R3HDM1: variants seen among roughly 807,000 people sequenced by gnomAD.
R3HDM1 encodes R3H domain-containing protein 1.
Under a neutral mutation model 141.1 loss-of-function variants are expected in R3HDM1, and 46 were observed. The observed-to-expected ratio is 0.33, with a 90% CI of 0.26 to 0.42. The LOEUF (loss-of-function observed/expected upper bound fraction) is 0.42, where lower values mean the gene tolerates loss of function less well. Ranked by LOEUF, R3HDM1 falls within the 10% of genes least tolerant of loss-of-function variation. R3HDM1 has a pLI of 1.00. For synonymous variants in R3HDM1, 435 were observed against 472.9 expected (o/e 0.92, Z 1.04); for missense variants, 1,184 against 1,368.3 (o/e 0.87, Z 2.12).
chr2:135,550,306 T>C lies in R3HDM1; in HGVS notation c.-250+18673T>C, dbSNP rs1468440441. 12 of 879,894 alleles carry C rather than the reference T, an allele frequency of 1.4e-5. No homozygotes were observed. The South Asian group carries it at 2.6e-4, about 19-fold the overall frequency. The allele number at this position is 879,894 out of a possible 1,614,324, so 54.5% of individuals were successfully genotyped here. ...TTTGTGATATATGGAAATTTCTTTA[T>C]GCCTTTTCTTAGGCAAGCAGCTTTC... is the stretch of plus-strand genomic sequence containing the variant. On this transcript the variant is annotated intron_variant, in intron 1 of 26. Transcript: ENST00000683871.
rs376156895 is a variant in R3HDM1 at position 135,723,349 on chromosome 2, C to T, written c.3050-588C>T. Among the ~76,000 whole-genome samples, 14 of 151,874 alleles carry T rather than the reference C, an allele frequency of 9.2e-5. No individual in the cohort carries two copies. The East Asian group carries it at 2.2e-3, about 23-fold the overall frequency. ...TGTTGGTCAGGCTGGTCTCGAACTCCAGACCTCAGGTGATCCACCCACCTC... is the reference window on the plus strand; with the variant it reads ...TGTTGGTCAGGCTGGTCTCGAACTCTAGACCTCAGGTGATCCACCCACCTC... On this transcript the variant is annotated intron_variant, in intron 26 of 26. Transcript: ENST00000683871.
chr2:135,723,795 A>C (rs2076940213), intron 26 of R3HDM1, 142 bp from the exon 27 acceptor site: 1 of 595,690 alleles, frequency 1.7e-6, no homozygotes. Flanking sequence ...AAAAAAAAAA[A>C]AAAAAAAAAA....
intron 1 of R3HDM1, chr2:135,583,988 T>C: frequency 1.0e-6 from 1 of 985,400 alleles, no homozygotes; most frequent in Non-Finnish European, 1.2e-6. Context: ...CATTCCAAAA[T>C]GGATAGCACA....
chr2:135,722,777 G>T (rs1292866802), intron 26 of R3HDM1, among the ~76,000 whole-genome samples: 1 of 152,116 alleles, frequency 6.6e-6, no homozygotes, highest in East Asian at 1.9e-4. Flanking sequence ...GGGACAGAGG[G>T]GCCACAGGGA....
intron 19 of R3HDM1, among the ~76,000 whole-genome samples, chr2:135,663,149 AAAAAAAT>A (rs1180415851): frequency 1.8e-4 from 27 of 151,216 alleles, no homozygotes; most frequent in African/African-American, 4.4e-4. Context: ...AAAAAAAAAA[AAAAAAAT>A]ATGACACTTA....
At chr2:135,625,377 A>C (rs917850419) in intron 7 of R3HDM1, among the ~76,000 whole-genome samples, 7 of 152,062 alleles carry the variant, frequency 4.6e-5, no homozygotes, top group African/African-American at 1.4e-4. Context: ...TCTGGAAGGC[A>C]GAGGTTGCAG....
At position 135,566,769 on chromosome 2, in the gene R3HDM1, C is replaced by T. The variant is rs1039640978; in HGVS notation, c.-250+35136C>T. The T allele has an allele frequency of 2.3e-5, 23 of 985,004 alleles. No individual in the cohort carries two copies. The South Asian group carries it at 7.1e-4, about 30-fold the overall frequency. The allele number at this position is 985,004 out of a possible 1,614,324, so 61.0% of individuals were successfully genotyped here. ...AATGATCAAAACTGTAAGCCCAGCG[C>T]GGTGGCTCACGCCTGTAATCATGGT... On this transcript the variant is annotated intron_variant, in intron 1 of 26. Coordinates refer to ENST00000683871, the MANE Select transcript of R3HDM1 (RefSeq NM_001378107.1).
chr2:135,654,027 T>G (rs2065467648), intron 18 of R3HDM1, among the ~76,000 whole-genome samples: 1 of 152,166 alleles, frequency 6.6e-6, no homozygotes, highest in African/African-American at 2.4e-5. Flanking sequence ...TTGCATTTAG[T>G]ACATATTCAC....
intron 23 of R3HDM1, among the ~76,000 whole-genome samples, chr2:135,714,724 C>A: frequency 6.7e-6 from 1 of 149,960 alleles, no homozygotes. Flanking sequence ...TCAAACAGTT[C>A]CAAAAAACAC....
chr2:135,679,120 A>AATATACAT lies in R3HDM1; in HGVS notation c.2308-1052_2308-1045dup, dbSNP rs554685649. The stretch of plus-strand genomic sequence containing the variant: ...TAAATAAAGATCCTTCAGGCCATTG[A>AATATACAT]ATATACATTGGCTTTATTTAACAAA... On this transcript the variant is annotated intron_variant, in intron 20 of 26. Coordinates refer to ENST00000683871, the MANE Select transcript of R3HDM1 (RefSeq NM_001378107.1). Among the ~76,000 whole-genome samples the AATATACAT allele has an allele frequency of 1.4e-3, 198 of 136,636 alleles. 4 individuals are homozygous for AATATACAT. The South Asian group carries it at 0.044, about 31-fold the overall frequency. 89.6% of individuals were successfully genotyped at this position (136,636 alleles called of 152,430 possible). A position where few individuals can be genotyped will look rare whatever the true frequency, so the allele number is the denominator to read the frequency against.
chr2:135,719,284 T>C (rs1575256622), intron 24 of R3HDM1, among the ~76,000 whole-genome samples: 1 of 151,200 alleles, frequency 6.6e-6, no homozygotes, highest in Non-Finnish European at 1.5e-5. Context: ...TTAGGAGGGG[T>C]CTTTGTACTG....
chr2:135,662,968 T>C lies in R3HDM1; in HGVS notation c.2152+1575T>C, dbSNP rs528292696. Among the ~76,000 whole-genome samples, 63 of 152,256 alleles carry C rather than the reference T, an allele frequency of 4.1e-4. 1 individual carries two copies. Among genetic ancestry groups the C allele is most frequent in the Admixed American group, 2.9e-3 (44 of 15,286 alleles). On this transcript the variant is annotated intron_variant, in intron 19 of 26. Coordinates refer to ENST00000683871, the MANE Select transcript of R3HDM1 (RefSeq NM_001378107.1). ...TAATTAACTTAATTCATTAGTACAC[T>C]CTATTAATAAGGCAAGCAAAAATCC...
chr2:135,631,967 T>A lies in R3HDM1; in HGVS notation c.664T>A (p.Ser222Thr). 6.2e-7 allele frequency: 1 copy of A among 1,610,732 alleles called. No individual in the cohort carries two copies. The highest frequency in any genetic ancestry group is 8.5e-7 in the Non-Finnish European group (1 of 1,177,898). The change falls in exon 9 of 27, where the codon TCT becomes ACT. Residue 222 changes from serine (S) to threonine (T), a missense_variant. Physicochemically the swap from Ser to Thr is moderately conservative, Grantham distance 58. Transcript: ENST00000683871. ...LDHNVDQSGKSVIVNKTSNTR... is the reference protein window; with the variant it reads ...LDHNVDQSGKTVIVNKTSNTR... ...CCACAATGTTGATCAGAGTGGGAAG[T>A]CTGTCATAGTAAACAAAACTAGCAA...
intron 7 of R3HDM1, among the ~76,000 whole-genome samples, chr2:135,624,545 A>G (rs575476872): frequency 6.6e-6 from 1 of 152,184 alleles, no homozygotes; most frequent in Non-Finnish European, 1.5e-5. Flanking sequence ...CAGTGAGTGC[A>G]GAGTGCTGCT....
Position 135,582,528 on chromosome 2 carries a change from G to A in R3HDM1, c.-249-19972G>A, listed in dbSNP as rs544309720. On this transcript the variant is annotated intron_variant, in intron 1 of 26. Transcript: ENST00000683871. ...GTTTTGTGTCCCTGGGCTGTTGGCA[G>A]TGTGACTCTGCTACAGAATACCACT... Among the ~76,000 whole-genome samples the A allele has an allele frequency of 2.6e-5, 4 of 152,284 alleles. No homozygotes were observed. In the East Asian group the frequency reaches 7.7e-4, roughly 29 times the overall value.
Position 135,586,666 on chromosome 2 carries a change from C to CA in R3HDM1, c.-249-15829dup, listed in dbSNP as rs990632550. On this transcript the variant is annotated intron_variant, in intron 1 of 26. Transcript: ENST00000683871. ...TTAAAATTGTCTTTGTTTATTTTTG[C>CA]AAAAATATATTTGTTTAGGTTGGTG... The CA allele has an allele frequency of 3.4e-5, 33 of 984,218 alleles. No individual in the cohort carries two copies. In the African/African-American group the frequency reaches 5.4e-4, roughly 16 times the overall value. The allele number at this position is 984,218 out of a possible 1,614,324, so 61.0% of individuals were successfully genotyped here. A position where few individuals can be genotyped will look rare whatever the true frequency, so the allele number is the denominator to read the frequency against.
At chr2:135,718,924 G>A (rs2076422066) in intron 24 of R3HDM1, among the ~76,000 whole-genome samples, 2 of 152,040 alleles carry the variant, frequency 1.3e-5, no homozygotes, top group Non-Finnish European at 2.9e-5. Flanking sequence ...GAGGTGGGTG[G>A]ATCAGGAGGT....
intron 23 of R3HDM1, among the ~76,000 whole-genome samples, chr2:135,715,011 G>C (rs978934677): frequency 7.9e-5 from 12 of 152,194 alleles, no homozygotes; most frequent in African/African-American, 2.7e-4. Flanking sequence ...TGTATAGTCT[G>C]TTCCCATTTT....
intron 1 of R3HDM1, among the ~76,000 whole-genome samples, chr2:135,534,507 G>A (rs978509229): frequency 2.0e-5 from 3 of 152,144 alleles, no homozygotes; most frequent in African/African-American, 7.2e-5. Flanking sequence ...AAAATTTACT[G>A]AGTCTTCACA....
Sources: allele counts gnomAD v4.1 joint callset (sites outside exome capture counted in the v4.1 genomes callset), GRCh38; gene constraint gnomAD v4.1.1; transcripts MANE v1.5; gene names NCBI Gene and HGNC (gene_info 2026-07-23, HGNC 2026-07-21).